The following EYS variants were observed in gnomAD, a reference collection of about 807,000 sequenced individuals.
The protein encoded by EYS is EGF-like photoreceptor maintenance factor, also known as protein eyes shut homolog.
EYS carries 250 observed loss-of-function variants against 282.1 expected under a neutral mutation model. The ratio of observed to expected loss-of-function variants is 0.89; its 90% CI spans 0.80 to 0.98. The LOEUF is 0.98. EYS is among the 50% of genes least tolerant of loss of function. The probability of loss-of-function intolerance (pLI) is 0.00; values close to 1 mark genes in which losing one functional copy is unlikely to be tolerated. For synonymous variants in EYS, 1,355 were observed against 1,282.9 expected, an observed-to-expected ratio of 1.06 and a Z score of -1.20; for missense variants, 4,016 against 3,709.0, an observed-to-expected ratio of 1.08 and a Z score of -2.15.
chr6:64,008,283 T>C (rs1768444528), intron 33 of EYS, among the ~76,000 whole-genome samples: 1 of 152,158 alleles, frequency 6.6e-6, no homozygotes, highest in Non-Finnish European at 1.5e-5. Flanking sequence ...TTGTCTGAAA[T>C]TAGAATAGCT....
intron 33 of EYS, among the ~76,000 whole-genome samples, chr6:64,003,505 C>T (rs1478297207): frequency 6.6e-6 from 1 of 152,116 alleles, no homozygotes; most frequent in Admixed American, 6.5e-5. Context: ...CCCATTTAAA[C>T]TGATGTGATT....
At chr6:64,667,329 T>C (rs1769268843) in intron 22 of EYS, among the ~76,000 whole-genome samples, 1 of 151,978 alleles carries the variant, frequency 6.6e-6, no homozygotes, top group Non-Finnish European at 1.5e-5. Flanking sequence ...CTTCCCCTGA[T>C]GTCCTGATGG....
In EYS at chr6:65,398,221, G is replaced by T. The variant is rs147254860; in HGVS notation, c.1184+4257C>A. Among the ~76,000 whole-genome samples, 623 of 151,590 alleles carry T rather than the reference G, an allele frequency of 4.1e-3. 5 individuals carry two copies. The highest frequency in any genetic ancestry group is 0.014 in the African/African-American group (590 of 41,394). ...TTCTATAGTTTGTCTGTTTACTCTG[G>T]TGACTTAAAATTATACTAAAAGGTT... On this transcript the variant is annotated intron_variant, in intron 7 of 42. Transcript: ENST00000503581.
chr6:65,574,067 G>A (rs542588756), intron 2 of EYS, among the ~76,000 whole-genome samples: 12 of 152,198 alleles, frequency 7.9e-5, no homozygotes, highest in African/African-American at 2.2e-4. Flanking sequence ...GAGTCCCTGC[G>A]CCCTAGGCAC....
chr6:64,669,510 G>A (rs1769362468), intron 22 of EYS, among the ~76,000 whole-genome samples: 1 of 152,148 alleles, frequency 6.6e-6, no homozygotes, highest in South Asian at 2.1e-4. Flanking sequence ...GTACTGGGGA[G>A]AAAAGGGGGC....
At chr6:63,866,973 T>A (rs1322914191) in intron 35 of EYS, among the ~76,000 whole-genome samples, 2 of 152,196 alleles carry the variant, frequency 1.3e-5, no homozygotes, top group Non-Finnish European at 2.9e-5. Flanking sequence ...ATACCTGGAC[T>A]CAAAGGTTTC....
chr6:64,957,811 G>A (rs1014401796), intron 14 of EYS, among the ~76,000 whole-genome samples: 26 of 151,990 alleles, frequency 1.7e-4, no homozygotes, highest in Admixed American at 1.1e-3. Context: ...TGGAAAAATC[G>A]TCTAGGCTTT....
intron 29 of EYS, among the ~76,000 whole-genome samples, chr6:64,374,986 C>T (rs1561958240): frequency 6.6e-6 from 1 of 152,154 alleles, no homozygotes; most frequent in South Asian, 2.1e-4. Context: ...TTCACTGACT[C>T]TTAGCAAAAT....
chr6:63,915,214 G>C (rs532653879), intron 35 of EYS, among the ~76,000 whole-genome samples: 1 of 152,264 alleles, frequency 6.6e-6, no homozygotes, highest in South Asian at 2.1e-4. Flanking sequence ...TGAAGCCAAT[G>C]CTCATTTACC....
At chr6:65,429,804 G>C (rs1452746470) in intron 5 of EYS, among the ~76,000 whole-genome samples, 2 of 142,354 alleles carry the variant, frequency 1.4e-5, no homozygotes, top group Admixed American at 1.5e-4. Flanking sequence ...AAATGTCTTG[G>C]AAAATAAATG....
intron 12 of EYS, among the ~76,000 whole-genome samples, chr6:65,154,507 C>A (rs115044225): frequency 6.6e-6 from 1 of 151,160 alleles, no homozygotes; most frequent in East Asian, 1.9e-4. Context: ...ATGACAGATC[C>A]GATATAAAGT....
chr6:64,665,781 G>C (rs567261670), intron 22 of EYS, among the ~76,000 whole-genome samples: 1 of 152,128 alleles, frequency 6.6e-6, no homozygotes, highest in South Asian at 2.1e-4. Flanking sequence ...TGCTCTTACT[G>C]TTTTCCAAAG....
At chr6:65,605,662 A>C (rs1247913146) in intron 2 of EYS, among the ~76,000 whole-genome samples, 1 of 151,854 alleles carries the variant, frequency 6.6e-6, no homozygotes, top group Non-Finnish European at 1.5e-5. Context: ...TATTTGATTA[A>C]ATACATTTGG....
At chr6:65,705,224 G>A in intron 1 of EYS, among the ~76,000 whole-genome samples, 1 of 152,172 alleles carries the variant, frequency 6.6e-6, no homozygotes, top group East Asian at 1.9e-4. Context: ...CTCACAGGGA[G>A]CAATTAACTC....
intron 35 of EYS, among the ~76,000 whole-genome samples, chr6:63,970,280 C>T (rs142796282): frequency 5.9e-5 from 9 of 152,290 alleles, no homozygotes; most frequent in African/African-American, 9.6e-5. Flanking sequence ...GTGAGCAAGG[C>T]GTCCTGTGCT....
At chr6:64,392,976 A>G (rs1256374463) in intron 28 of EYS, among the ~76,000 whole-genome samples, 1 of 152,198 alleles carries the variant, frequency 6.6e-6, no homozygotes, top group Admixed American at 6.5e-5. Context: ...AATACAAACC[A>G]CCATCAGAGA....
At chr6:64,469,458 G>A (rs1452727412) in intron 26 of EYS, among the ~76,000 whole-genome samples, 1 of 151,944 alleles carries the variant, frequency 6.6e-6, no homozygotes, top group South Asian at 2.1e-4. Context: ...AATAATCCTC[G>A]CTCTATAATC....
rs945993844 is a variant in EYS, at chr6:64,230,646, C to T, written c.6370G>A (p.Val2124Met). The change falls in exon 31 of 43, where the codon GTG becomes ATG. Residue 2124 changes from valine to methionine, a missense_variant. Transcript: ENST00000503581. ...AGTGGACAGTCACATTGGAATGACA[C>T]TATGCCACTGGAGAGGAAGATGGCA... The part of the protein sequence containing the change: ...CHAIFLSSGI[V>M]SFQCDCPLHF... 7.1e-6 allele frequency: 11 copies of T among 1,551,560 alleles called. No homozygotes were observed. Among genetic ancestry groups the T allele is most frequent in the Non-Finnish European group, 8.7e-6 (10 of 1,146,874 alleles).
intron 10 of EYS, among the ~76,000 whole-genome samples, chr6:65,339,203 A>G (rs1047589779): frequency 6.6e-5 from 10 of 151,344 alleles, no homozygotes; most frequent in Admixed American, 2.0e-4. Context: ...AAATTGCACC[A>G]AAGTTAGATA....
Sources: allele counts gnomAD v4.1 joint callset (sites outside exome capture counted in the v4.1 genomes callset), GRCh38; gene constraint gnomAD v4.1.1; transcripts MANE v1.5; gene names NCBI Gene and HGNC (gene_info 2026-07-23, HGNC 2026-07-21).